COL6A6: variants seen among roughly 807,000 people sequenced by gnomAD.
COL6A6 encodes collagen alpha-6(VI) chain.
A neutral mutation model predicts 208.6 loss-of-function variants in COL6A6; 183 were observed. The observed-to-expected ratio is 0.88, with a 90% CI of 0.78 to 0.99. The LOEUF (loss-of-function observed/expected upper bound fraction) is 0.99, where lower values mean the gene tolerates loss of function less well. COL6A6 is among the 50% of genes least tolerant of loss of function. The probability of loss-of-function intolerance (pLI) is 0.00; values close to 1 mark genes in which losing one functional copy is unlikely to be tolerated. For missense variants in COL6A6, 2,816 were observed against 2,815.2 expected, an observed-to-expected ratio of 1.00 and a Z score of -0.01; for synonymous variants, 973 against 1,011.8, an observed-to-expected ratio of 0.96 and a Z score of 0.73.
At chr3:130,529,899 GT>G (rs2062044457) in intron 1 of COL6A6, among the ~76,000 whole-genome samples, 1 of 152,200 alleles carries the variant, frequency 6.6e-6, no homozygotes, top group Non-Finnish European at 1.5e-5. Flanking sequence ...CACGAACTCA[GT>G]CCCCCTCCTC....
chr3:130,562,981 A>G (rs976110011), intron 2 of COL6A6, 87 bp from the exon 3 acceptor site: 11 of 939,814 alleles, frequency 1.2e-5, no homozygotes, highest in Non-Finnish European at 1.8e-5. Flanking sequence ...TAAAAAGGAA[A>G]GTACTTCCCC....
intron 24 of COL6A6, among the ~76,000 whole-genome samples, chr3:130,626,213 T>G (rs535556038): frequency 6.6e-6 from 1 of 152,372 alleles, no homozygotes; most frequent in South Asian, 2.1e-4. Context: ...GTTAATTTTT[T>G]TAAAACAGTA....
rs748844190 is a variant in COL6A6 at position 130,661,917 on chromosome 3, C to G, written c.6111C>G (p.Thr2037=). 6.2e-7 allele frequency: 1 copy of G among 1,613,972 alleles called. No homozygotes were observed. Among genetic ancestry groups the G allele is most frequent in the Admixed American group, 1.7e-5 (1 of 60,020 alleles). The change falls in exon 35 of 37, where the codon ACC becomes ACG. Residue 2037 remains threonine, a synonymous_variant. Coordinates refer to ENST00000358511, the MANE Select transcript of COL6A6 (RefSeq NM_001102608.3). ...TTAGAGCTGAGTTCAATCTTACCAC[C>G]TACAGAAGTAAGCGCCTCATGAAGA... ...SPVRAEFNLT[T]YRSKRLMKRH...
chr3:130,634,667 C>A (rs189752762), intron 27 of COL6A6, 42 bp downstream of exon 27: 12 of 1,480,212 alleles, frequency 8.1e-6, no homozygotes, highest in Non-Finnish European at 1.1e-5. Context: ...GTCAGAAATA[C>A]TCCTGGGGTT....
intron 1 of COL6A6, among the ~76,000 whole-genome samples, chr3:130,559,928 A>C (rs1457660454): frequency 1.3e-5 from 2 of 152,266 alleles, no homozygotes; most frequent in African/African-American, 4.8e-5. Flanking sequence ...GTACACCTAC[A>C]TATTCATGAT....
rs866854531 is a variant in COL6A6 at position 130,573,606 on chromosome 3, A to G, written c.2978-350A>G. On this transcript the variant is annotated intron_variant, in intron 7 of 36. Coordinates refer to ENST00000358511, the MANE Select transcript of COL6A6 (RefSeq NM_001102608.3). ...TTTTGAGACGGGGTCTTGCTCTGTC[A>G]CCCAGGCTGGAGTGCAGAGGCACAA... 2.9e-3 allele frequency among the ~76,000 whole-genome samples: 390 copies of G among 132,498 alleles called. 3 individuals are homozygous for G. Among genetic ancestry groups the G allele is most frequent in the African/African-American group, 9.9e-3 (341 of 34,480 alleles). 86.9% of individuals were successfully genotyped at this position (132,498 alleles called of 152,430 possible). A position where few individuals can be genotyped will look rare whatever the true frequency, so the allele number is the denominator to read the frequency against.
chr3:130,615,746 G>A (rs1437171817), intron 23 of COL6A6, among the ~76,000 whole-genome samples: 2 of 152,190 alleles, frequency 1.3e-5, no homozygotes, highest in African/African-American at 4.8e-5. Flanking sequence ...CATATATCAT[G>A]TGATTATCTC....
At chr3:130,625,337 T>G (rs1037801767) in intron 24 of COL6A6, among the ~76,000 whole-genome samples, 2 of 152,146 alleles carry the variant, frequency 1.3e-5, no homozygotes, top group Non-Finnish European at 2.9e-5. Flanking sequence ...CTTTTAAGTG[T>G]AGGTTGCACA....
chr3:130,540,785 G>C (rs1223013973), intron 1 of COL6A6, among the ~76,000 whole-genome samples: 1 of 152,092 alleles, frequency 6.6e-6, no homozygotes, highest in Non-Finnish European at 1.5e-5. Context: ...GCATTAGTTT[G>C]CTGAGGATAG....
intron 8 of COL6A6, among the ~76,000 whole-genome samples, chr3:130,576,727 A>T (rs2063307074): frequency 1.3e-5 from 2 of 152,192 alleles, no homozygotes; most frequent in African/African-American, 4.8e-5. Context: ...TTCAGCAAGG[A>T]AGAATGTGAG....
At chr3:130,543,909 C>A (rs1217139173) in intron 1 of COL6A6, among the ~76,000 whole-genome samples, 1 of 152,112 alleles carries the variant, frequency 6.6e-6, no homozygotes, top group Non-Finnish European at 1.5e-5. Context: ...GAAAGTATTT[C>A]TTCACTTTTT....
chr3:130,572,837 T>G (rs1389478120), intron 7 of COL6A6, among the ~76,000 whole-genome samples: 2 of 152,190 alleles, frequency 1.3e-5, no homozygotes, highest in Non-Finnish European at 2.9e-5. Context: ...CCTTTAATAT[T>G]TCTGAGGCTA....
At chr3:130,520,735 C>T (rs528096825) in intron 1 of COL6A6, among the ~76,000 whole-genome samples, 2 of 152,224 alleles carry the variant, frequency 1.3e-5, no homozygotes, top group Admixed American at 6.5e-5. Context: ...TGAAAAATCT[C>T]GGGACAAGAT....
At chr3:130,587,903 T>A (rs1298378232) in intron 11 of COL6A6, among the ~76,000 whole-genome samples, 2 of 152,194 alleles carry the variant, frequency 1.3e-5, no homozygotes, top group African/African-American at 2.4e-5. Flanking sequence ...TGAAATCTCT[T>A]TGGTAATTCA....
intron 8 of COL6A6, 78 bp from the exon 9 acceptor site, chr3:130,581,483 C>A (rs1011977725): frequency 1.9e-6 from 2 of 1,026,092 alleles, no homozygotes; most frequent in African/African-American, 3.2e-5. Context: ...TTCCAAGTCC[C>A]TTGATTCAGA....
chr3:130,575,416 A>G (rs537868053), intron 8 of COL6A6, among the ~76,000 whole-genome samples: 8 of 152,366 alleles, frequency 5.3e-5, no homozygotes, highest in African/African-American at 1.9e-4. Context: ...ACCAGTGACC[A>G]TTAAATTTAT....
At chr3:130,610,838 G>T in intron 23 of COL6A6, 127 bp downstream of exon 23, 1 of 668,478 alleles carries the variant, frequency 1.5e-6, no homozygotes, top group Non-Finnish European at 2.6e-6. Flanking sequence ...TTTCACTTCA[G>T]CTCAATGTGG....
At chr3:130,587,839 A>T (rs1347842534) in intron 11 of COL6A6, among the ~76,000 whole-genome samples, 2 of 152,186 alleles carry the variant, frequency 1.3e-5, no homozygotes, top group Admixed American at 6.5e-5. Flanking sequence ...TCCTTTCTAC[A>T]TGGGAAGACA....
Position 130,566,671 on chromosome 3 carries a change from T to A in COL6A6, c.1283-31T>A, listed in dbSNP as rs2063030015. Reference sequence around the variant, plus strand: ...CATTTCTTCTTCATGCTTGCTCAAATGCCACATGCAACTTATTGATTCCTT... The same window carrying A: ...CATTTCTTCTTCATGCTTGCTCAAAAGCCACATGCAACTTATTGATTCCTT... On this transcript the variant is annotated intron_variant, in intron 4 of 36. Coordinates refer to ENST00000358511, the MANE Select transcript of COL6A6 (RefSeq NM_001102608.3). The A allele has an allele frequency of 1.2e-5, 19 of 1,535,372 alleles. No individual in the cohort carries two copies. In the East Asian group the frequency reaches 4.3e-4, roughly 35 times the overall value.
Sources: allele counts gnomAD v4.1 joint callset (sites outside exome capture counted in the v4.1 genomes callset), GRCh38; gene constraint gnomAD v4.1.1; transcripts MANE v1.5; gene names NCBI Gene and HGNC (gene_info 2026-07-23, HGNC 2026-07-21).